Variants in THUMPD2 observed in about 807,000 individuals in gnomAD.
THUMPD2 encodes the protein THUMP domain 2 tRNA and snRNA guanosine methyltransferase.
THUMPD2 carries 56 observed loss-of-function variants against 49.4 expected under a neutral mutation model. The ratio of observed to expected loss-of-function variants is 1.13; its 90% CI spans 0.91 to 1.41. THUMPD2 has a LOEUF of 1.41. Ranked by LOEUF, THUMPD2 falls within the 40% of genes most tolerant of loss-of-function variation. THUMPD2 has a pLI of 0.00. For synonymous variants in THUMPD2, 237 were observed against 205.2 expected (o/e 1.15, Z -1.32); for missense variants, 709 against 594.5 (o/e 1.19, Z -2.00).
rs999216650 is a variant in THUMPD2 at position 39,769,034 on chromosome 2, T to C, written c.673-533A>G. The C allele has an allele frequency of 3.1e-6, 4 of 1,304,614 alleles. No individual in the cohort carries two copies. In the African/African-American group the frequency reaches 4.6e-5, roughly 15 times the overall value. 80.8% of individuals were successfully genotyped at this position (1,304,614 alleles called of 1,614,324 possible). On this transcript the variant is annotated intron_variant, in intron 3 of 9. Coordinates refer to ENST00000505747, the MANE Select transcript of THUMPD2 (RefSeq NM_025264.5). ...TTTGTGGTGTTCGCTCTTCTCTACA[T>C]TGCTGAGACCTCATGTGCATTTGCA... is the stretch of plus-strand genomic sequence containing the variant.
At chr2:39,738,880 A>C (rs910037470) in intron 9 of THUMPD2, among the ~76,000 whole-genome samples, 1 of 151,998 alleles carries the variant, frequency 6.6e-6, no homozygotes, top group Non-Finnish European at 1.5e-5. Flanking sequence ...TATTTCAAGA[A>C]GTTCAGCTGT....
Position 39,744,610 on chromosome 2 carries a change from AAAGT to A in THUMPD2, c.1079-136_1079-133del, listed in dbSNP as rs1331514502. 2.0e-5 allele frequency: 11 copies of A among 537,686 alleles called. No homozygotes were observed. The African/African-American group carries it at 2.2e-4, about 11-fold the overall frequency. 33.3% of individuals were successfully genotyped at this position (537,686 alleles called of 1,614,324 possible). A position where few individuals can be genotyped will look rare whatever the true frequency, so the allele number is the denominator to read the frequency against. On this transcript the variant is annotated intron_variant, in intron 8 of 9. Transcript: ENST00000505747. ...CATTTAGGGTTGCTAATATTGTTTT[AAAGT>A]AATTACAAGATCCCAAAATGCTTTC...
chr2:39,761,386 G>C lies in THUMPD2; in HGVS notation c.836C>G (p.Thr279Arg). The C allele has an allele frequency of 6.2e-7, 1 of 1,613,798 alleles. No individual in the cohort carries two copies. The highest frequency in any genetic ancestry group is 2.2e-5 in the East Asian group (1 of 44,840). ...CGCTATTGTAGATCGCAGTCCAGCT[G>C]TCTTGATGTAAGCTCTGCTGGCTAG... is the stretch of plus-strand genomic sequence containing the variant. ...VSLASRAYIK[T>R]AGLRSTIAWA... Residue 279 changes from threonine to arginine, a missense_variant, in exon 6 of 10, where the codon ACA becomes AGA. By Grantham distance (71) the Thr-to-Arg change is moderately conservative. Coordinates refer to ENST00000505747, the MANE Select transcript of THUMPD2 (RefSeq NM_025264.5).
intron 8 of THUMPD2, among the ~76,000 whole-genome samples, chr2:39,750,830 A>G (rs1675306671): frequency 6.6e-6 from 1 of 152,248 alleles, no homozygotes; most frequent in Non-Finnish European, 1.5e-5. Context: ...AGGATTGTAA[A>G]TATCAACAAA....
chr2:39,738,552 A>C lies in THUMPD2; in HGVS notation c.1188-1493T>G, dbSNP rs187869730. Among the ~76,000 whole-genome samples, 1,403 of 151,300 alleles carry C rather than the reference A, an allele frequency of 9.3e-3. 12 individuals carry two copies. The highest frequency in any genetic ancestry group is 0.014 in the Non-Finnish European group (973 of 67,888). ...GCACTCTAGTCTGGGCAACAGAGAG[A>C]GACCCTGTCTTTAAAATAAAATTAT... On this transcript the variant is annotated intron_variant, in intron 9 of 9. Transcript: ENST00000505747.
At chr2:39,763,685 T>A (rs937844897) in intron 5 of THUMPD2, among the ~76,000 whole-genome samples, 6 of 152,160 alleles carry the variant, frequency 3.9e-5, no homozygotes, top group African/African-American at 1.4e-4. Context: ...AAAAATATAA[T>A]TTTCTTGGTA....
chr2:39,756,007 C>T (rs367847707), intron 6 of THUMPD2, 47 bp from the exon 7 acceptor site: 71 of 1,533,288 alleles, frequency 4.6e-5, no homozygotes, highest in African/African-American at 2.7e-5. Context: ...TACCATAGTA[C>T]GTACTATAAA....
chr2:39,768,627 C>G (rs1051082064), intron 3 of THUMPD2, 126 bp from the exon 4 acceptor site: 37 of 819,832 alleles, frequency 4.5e-5, no homozygotes, highest in Non-Finnish European at 5.8e-6. Context: ...ATTTAGAGTT[C>G]TGATATTAAA....
At chr2:39,767,603 C>CAAAAAAAAAAAAAAAAAAAA (rs57906396) in intron 4 of THUMPD2, among the ~76,000 whole-genome samples, 1 of 67,840 alleles carries the variant, frequency 1.5e-5, no homozygotes, top group African/African-American at 7.7e-5. Flanking sequence ...GACTCCGTCT[C>CAAAAAAAAAAAAAAAAAAAA]AAAAAAAAAA....
chr2:39,750,216 C>T (rs988105270), intron 8 of THUMPD2, among the ~76,000 whole-genome samples: 12 of 152,332 alleles, frequency 7.9e-5, no homozygotes, highest in South Asian at 2.1e-4. Flanking sequence ...CTCCCACCAA[C>T]GGTGTAAAGG....
chr2:39,751,985 A>G (rs3815510), intron 8 of THUMPD2, among the ~76,000 whole-genome samples: 101,227 of 152,054 alleles, frequency 0.67, 34,202 homozygotes, highest in East Asian at 0.83. Flanking sequence ...ACTGCGCCTG[A>G]CTAAGATAAT....
At chr2:39,742,179 A>AC (rs1471920726) in intron 9 of THUMPD2, among the ~76,000 whole-genome samples, 1 of 152,194 alleles carries the variant, frequency 6.6e-6, no homozygotes, top group African/African-American at 2.4e-5. Context: ...TGCCTGTATA[A>AC]AACTTCAAAC....
intron 8 of THUMPD2, among the ~76,000 whole-genome samples, chr2:39,747,195 C>T (rs1307785991): frequency 6.6e-6 from 1 of 152,184 alleles, no homozygotes; most frequent in African/African-American, 2.4e-5. Context: ...TAAATAGCAT[C>T]TCAGAACCTT....
chr2:39,778,970 T>G lies in THUMPD2; in HGVS notation c.126+144A>C. The G allele has an allele frequency of 4.5e-6, 5 of 1,098,958 alleles. No homozygotes were observed. In the East Asian group the frequency reaches 1.6e-4, roughly 36 times the overall value. 68.1% of individuals were successfully genotyped at this position (1,098,958 alleles called of 1,614,324 possible). On this transcript the variant is annotated intron_variant, in intron 1 of 9. Transcript: ENST00000505747. ...TTCTCTCGGCCGGAGCGGAAGCGCCTGCCAGTCAACCTCGGGGGTCGGCGA... is the reference window on the plus strand; with the variant it reads ...TTCTCTCGGCCGGAGCGGAAGCGCCGGCCAGTCAACCTCGGGGGTCGGCGA...
rs750883034 is a variant in THUMPD2, at chr2:39,744,476, A to G, written c.1081T>C (p.Leu361=). 1.6e-5 allele frequency: 25 copies of G among 1,549,892 alleles called. No individual in the cohort carries two copies. Among genetic ancestry groups the G allele is most frequent in the Non-Finnish European group, 2.1e-5 (24 of 1,147,184 alleles). Residue 361 remains leucine (L), a splice_region_variant and synonymous_variant, in exon 9 of 10, where the codon TTG becomes CTG. Coordinates refer to ENST00000505747, the MANE Select transcript of THUMPD2 (RefSeq NM_025264.5). ...TCAACACTTTCTGAAGGCAATGGCA[A>G]TTCTGAAATATAGAAATCAGAGAAT... is the stretch of plus-strand genomic sequence containing the variant. The part of the protein sequence containing the change: ...IELLKISVIE[L]PLPSESVDII...
At chr2:39,753,081 A>G (rs1675628513) in intron 8 of THUMPD2, among the ~76,000 whole-genome samples, 1 of 152,094 alleles carries the variant, frequency 6.6e-6, no homozygotes, top group Non-Finnish European at 1.5e-5. Flanking sequence ...TCTATATACA[A>G]AAAAATTCTA....
At chr2:39,747,102 T>C (rs187118462) in intron 8 of THUMPD2, among the ~76,000 whole-genome samples, 1 of 152,224 alleles carries the variant, frequency 6.6e-6, no homozygotes, top group East Asian at 1.9e-4. Context: ...CGGAACTTTT[T>C]CATATTTCAA....
intron 9 of THUMPD2, among the ~76,000 whole-genome samples, chr2:39,738,210 C>G (rs1319070012): frequency 2.0e-5 from 3 of 152,100 alleles, no homozygotes; most frequent in African/African-American, 7.2e-5. Context: ...ATCTGGACAA[C>G]AGTTATGTCA....
chr2:39,758,949 C>T (rs1157430957), intron 6 of THUMPD2, among the ~76,000 whole-genome samples: 1 of 152,076 alleles, frequency 6.6e-6, no homozygotes, highest in African/African-American at 2.4e-5. Context: ...GACACACATA[C>T]CTTTTGAAGC....
Sources: allele counts gnomAD v4.1 joint callset (sites outside exome capture counted in the v4.1 genomes callset), GRCh38; gene constraint gnomAD v4.1.1; transcripts MANE v1.5; gene names NCBI Gene and HGNC (gene_info 2026-07-23, HGNC 2026-07-21).